The following PRKCQ variants were observed in gnomAD, a reference collection of about 807,000 sequenced individuals.
The protein encoded by PRKCQ is protein kinase C theta type.
In PRKCQ, 41 loss-of-function variants were observed where a neutral mutation model predicts 91.2. The observed-to-expected ratio is 0.45, with a 90% confidence interval of 0.35 to 0.58. PRKCQ has a LOEUF of 0.58. Ranked by LOEUF, PRKCQ falls within the 20% of genes least tolerant of loss-of-function variation. The pLI is 0.00. For missense variants in PRKCQ, 673 were observed against 896.5 expected (o/e 0.75, Z 3.18); for synonymous variants, 307 against 316.9 (o/e 0.97, Z 0.33).
At chr10:6,443,308 C>T (rs952687716) in intron 15 of PRKCQ, among the ~76,000 whole-genome samples, 5 of 152,114 alleles carry the variant, frequency 3.3e-5, no homozygotes, top group Non-Finnish European at 5.9e-5. Context: ...GAAAATGTGC[C>T]GGTGGGTAAA....
intron 1 of PRKCQ, among the ~76,000 whole-genome samples, chr10:6,562,815 C>T (rs1305621106): frequency 6.6e-6 from 1 of 151,982 alleles, no homozygotes; most frequent in African/African-American, 2.4e-5. Flanking sequence ...AAATGAGGAT[C>T]ATAATAGGAT....
At position 6,500,215 on chromosome 10, in the gene PRKCQ, T is replaced by C. The variant is rs938125075; in HGVS notation, c.380-1657A>G. Among the ~76,000 whole-genome samples, 9 of 152,272 alleles carry C rather than the reference T, an allele frequency of 5.9e-5. No homozygotes were observed. The East Asian group carries it at 1.7e-3, about 29-fold the overall frequency. ...ATCTATTTACAACTTGTGACTAGTA[T>C]AGTAGGTCATTTGTTTATAACATGT... On this transcript the variant is annotated intron_variant, in intron 4 of 17. Transcript: ENST00000263125.
At chr10:6,539,783 C>A (rs1303448209) in intron 1 of PRKCQ, among the ~76,000 whole-genome samples, 2 of 152,180 alleles carry the variant, frequency 1.3e-5, no homozygotes, top group Non-Finnish European at 2.9e-5. Flanking sequence ...CAGCACTCTG[C>A]ATCACAAATT....
At chr10:6,403,448 T>G in the PRKCQ span, among the ~76,000 whole-genome samples, 1 of 152,210 alleles carries the variant, frequency 6.6e-6, no homozygotes, top group Non-Finnish European at 1.5e-5. Flanking sequence ...TCAGCATTCA[T>G]GTCTTCATTC....
At chr10:6,404,254 GGGA>G in the PRKCQ span, among the ~76,000 whole-genome samples, 39 of 107,338 alleles carry the variant, frequency 3.6e-4, no homozygotes, top group Non-Finnish European at 6.3e-4. Flanking sequence ...AGAAGGGGGG[GGGA>G]GAGAGAGAGA....
chr10:6,448,964 A>T (rs1348536799), intron 15 of PRKCQ, among the ~76,000 whole-genome samples: 24 of 152,210 alleles, frequency 1.6e-4, no homozygotes, highest in Middle Eastern at 3.4e-3. Flanking sequence ...AAAAGTAGAT[A>T]AAACCACAAA....
chr10:6,474,583 A>G (rs999001615), intron 12 of PRKCQ, among the ~76,000 whole-genome samples: 2 of 152,358 alleles, frequency 1.3e-5, no homozygotes, highest in Middle Eastern at 3.4e-3. Flanking sequence ...CAGTTTTATC[A>G]GAGATAGAAC....
At chr10:6,460,938 GTCCA>G (rs907939496) in intron 14 of PRKCQ, among the ~76,000 whole-genome samples, 2 of 114,366 alleles carry the variant, frequency 1.7e-5, no homozygotes, top group African/African-American at 6.0e-5. Flanking sequence ...TCCATCCGTT[GTCCA>G]TCCATCCATC....
At chr10:6,573,471 G>T (rs553388744) in intron 1 of PRKCQ, among the ~76,000 whole-genome samples, 2 of 152,074 alleles carry the variant, frequency 1.3e-5, no homozygotes, top group African/African-American at 4.8e-5. Context: ...CTGAACCTCC[G>T]AATCAGGACT....
chr10:6,412,361 T>C, the PRKCQ span, among the ~76,000 whole-genome samples: 1 of 152,190 alleles, frequency 6.6e-6, no homozygotes, highest in African/African-American at 2.4e-5. Context: ...TCAATGGAAT[T>C]CCAATAAAAA....
At chr10:6,498,652 T>A in intron 4 of PRKCQ, 94 bp from the exon 5 acceptor site, 7 of 1,281,024 alleles carry the variant, frequency 5.5e-6, no homozygotes, top group Non-Finnish European at 5.4e-6. Context: ...GGGCAAGGGA[T>A]GGAGGAGGAC....
chr10:6,574,682 G>C (rs950772758), intron 1 of PRKCQ, among the ~76,000 whole-genome samples: 10 of 152,150 alleles, frequency 6.6e-5, no homozygotes, highest in African/African-American at 2.2e-4. Context: ...GAAGTTCACT[G>C]GTTAAGGTCA....
At chr10:6,545,168 G>A (rs888610596) in intron 1 of PRKCQ, among the ~76,000 whole-genome samples, 3 of 152,178 alleles carry the variant, frequency 2.0e-5, no homozygotes, top group Admixed American at 2.0e-4. Context: ...AGGAACCACG[G>A]ACATGAGAAA....
rs1161512585 is a variant in PRKCQ at position 6,427,938 on chromosome 10, A to C, written c.*269T>G. On this transcript the variant is annotated 3_prime_UTR_variant, in exon 18 of 18. Transcript: ENST00000263125. ...GAAACCTTTCCAAGTGCGGAGACCCATCTTTCAAGTAAATAACTATGGTTA... is the reference window on the plus strand; with the variant it reads ...GAAACCTTTCCAAGTGCGGAGACCCCTCTTTCAAGTAAATAACTATGGTTA... 1 of 422,830 alleles carries C rather than the reference A, an allele frequency of 2.4e-6. No homozygotes were observed. Among genetic ancestry groups the C allele is most frequent in the Non-Finnish European group, 4.3e-6 (1 of 232,908 alleles). The allele number at this position is 422,830 out of a possible 1,614,324, so 26.2% of individuals were successfully genotyped here.
At chr10:6,556,610 C>T (rs536558018) in intron 1 of PRKCQ, among the ~76,000 whole-genome samples, 10 of 151,896 alleles carry the variant, frequency 6.6e-5, no homozygotes, top group African/African-American at 2.4e-4. Context: ...TGGAAACAGT[C>T]ATGAATCTAA....
chr10:6,513,651 ACT>A (rs1838607769), intron 2 of PRKCQ, among the ~76,000 whole-genome samples: 1 of 152,166 alleles, frequency 6.6e-6, no homozygotes, highest in Admixed American at 6.6e-5. Flanking sequence ...ACAGGAGAGA[ACT>A]CTGGGCAGAA....
chr10:6,538,585 A>G (rs1414908281), intron 1 of PRKCQ, among the ~76,000 whole-genome samples: 1 of 152,156 alleles, frequency 6.6e-6, no homozygotes, highest in Non-Finnish European at 1.5e-5. Flanking sequence ...CACTAAGATA[A>G]TGGGGGCCTT....
intron 14 of PRKCQ, among the ~76,000 whole-genome samples, chr10:6,461,567 G>A (rs1835352734): frequency 6.6e-6 from 1 of 152,132 alleles, no homozygotes; most frequent in Non-Finnish European, 1.5e-5. Context: ...TTAGTTGTGT[G>A]ACTCCAAATA....
rs776854965 is a variant in PRKCQ at position 6,430,763 on chromosome 10, C to A, written c.1965+47G>T. On this transcript the variant is annotated intron_variant, in intron 17 of 17. Transcript: ENST00000263125. This position sits in a 1 kb window ranked among gnomAD's most constrained non-coding sequence, Gnocchi z 4.7. ...ACTTGGACAGGCAGACGGCCCTGAG[C>A]GGAGGGAGAGTGGCTGACACCAAGC... 4.4e-6 allele frequency: 7 copies of A among 1,597,194 alleles called. No individual in the cohort carries two copies. Among genetic ancestry groups the A allele is most frequent in the Admixed American group, 1.7e-5 (1 of 59,070 alleles).
Sources: gnomAD v4.1 joint callset for allele counts (sites outside exome capture counted in the v4.1 genomes callset) on GRCh38, gnomAD v4.1.1 for gene constraint, Gnocchi (gnomAD v3.1) non-coding constraint, MANE v1.5 for transcripts, NCBI Gene and HGNC (gene_info 2026-07-23, HGNC 2026-07-21) for gene names.